Variants in GRIA3 observed in about 807,000 individuals in gnomAD.
GRIA3 encodes glutamate receptor 3.
A neutral mutation model predicts 63.0 loss-of-function variants in GRIA3; 3 were observed. The ratio of observed to expected loss-of-function variants is 0.05; its 90% confidence interval spans 0.02 to 0.12. The LOEUF is 0.12. Among genes scored for constraint, GRIA3 ranks in the 10% least tolerant of loss-of-function variants. The pLI is 1.00. For synonymous variants in GRIA3, 274 were observed against 257.9 expected, an observed-to-expected ratio of 1.06 and a Z score of -0.60; for missense variants, 347 against 700.9, an observed-to-expected ratio of 0.50 and a Z score of 5.70.
At chrX:123,363,983 T>A (rs2045194549) in intron 5 of GRIA3, among the ~76,000 whole-genome samples, 1 of 111,456 alleles carries the variant, frequency 9.0e-6, no homozygotes, top group South Asian at 3.8e-4. Context: ...TATCTTTTAA[T>A]CTCTTCCCAC....
chrX:123,407,214 G>T (rs184857988), intron 10 of GRIA3, among the ~76,000 whole-genome samples: 49 of 111,188 alleles, frequency 4.4e-4, no homozygotes, highest in African/African-American at 1.6e-3. Context: ...GCCAGATACT[G>T]TACTAAGTGC....
chrX:123,388,443 C>T (rs2045365742), intron 5 of GRIA3, among the ~76,000 whole-genome samples: 1 of 111,268 alleles, frequency 9.0e-6, no homozygotes, highest in Admixed American at 9.6e-5. Context: ...ACAAGAGTTT[C>T]ACCATGTTGC....
At chrX:123,338,356 T>A (rs1421973520) in intron 4 of GRIA3, among the ~76,000 whole-genome samples, 1 of 111,502 alleles carries the variant, frequency 9.0e-6, no homozygotes, top group Non-Finnish European at 1.9e-5. Context: ...AACGACTCTG[T>A]CAACTGCAGC....
chrX:123,273,571 C>T (rs1193183739), intron 3 of GRIA3, among the ~76,000 whole-genome samples: 2 of 112,101 alleles, frequency 1.8e-5, no homozygotes, highest in Non-Finnish European at 1.9e-5. Context: ...GGCTGCCTCT[C>T]ATCAGGAAGG....
chrX:123,322,109 A>G (rs780997415), intron 3 of GRIA3, among the ~76,000 whole-genome samples: 67 of 111,656 alleles, frequency 6.0e-4, no homozygotes, highest in Admixed American at 2.3e-3. Context: ...CATCCACCAC[A>G]CTACCCTTTG....
chrX:123,199,542 A>C (rs924323856), intron 2 of GRIA3, among the ~76,000 whole-genome samples: 1 of 111,236 alleles, frequency 9.0e-6, no homozygotes, highest in Non-Finnish European at 1.9e-5. Flanking sequence ...GACTAGCCCA[A>C]GGTCACACAG....
At chrX:123,468,321 TAGC>T (rs1029833482) in intron 13 of GRIA3, among the ~76,000 whole-genome samples, 5 of 110,590 alleles carry the variant, frequency 4.5e-5, no homozygotes, top group Non-Finnish European at 9.5e-5. Context: ...GAGGTAGAAA[TAGC>T]AGTAAAACCT....
intron 3 of GRIA3, among the ~76,000 whole-genome samples, chrX:123,258,006 C>G (rs1379715458): frequency 1.8e-5 from 2 of 112,397 alleles, no homozygotes; most frequent in Non-Finnish European, 3.8e-5. Flanking sequence ...AAATTACTTT[C>G]TTGGTGCTAT....
intron 12 of GRIA3, among the ~76,000 whole-genome samples, chrX:123,450,211 T>C (rs1399509151): frequency 1.8e-5 from 2 of 112,330 alleles, no homozygotes; most frequent in Admixed American, 9.4e-5. Flanking sequence ...TGGTAGCATT[T>C]AGGGCCTGTG....
chrX:123,430,841 A>C, intron 12 of GRIA3, among the ~76,000 whole-genome samples: 1 of 110,186 alleles, frequency 9.1e-6, no homozygotes, highest in Non-Finnish European at 1.9e-5. Context: ...AAATTAGCTG[A>C]GTGTGGTGGT....
intron 5 of GRIA3, among the ~76,000 whole-genome samples, chrX:123,375,543 A>G (rs2045279780): frequency 9.0e-6 from 1 of 111,619 alleles, no homozygotes; most frequent in African/African-American, 3.3e-5. Context: ...GAGGCAGCCA[A>G]CTTCACTTTG....
rs1005937099 is a variant in GRIA3 at position 123,387,087 on chromosome X, A to G, written c.751-7881A>G. Among the ~76,000 whole-genome samples the G allele has an allele frequency of 9.0e-5, 10 of 111,729 alleles. 1 individual carries two copies. The highest frequency in any genetic ancestry group is 3.3e-4 in the African/African-American group (10 of 30,706). Reference sequence around the variant, plus strand: ...TTAACAATATTAATTCTTTCAATCCATGAGCGTGGGGTGTCTTTCCATTTG... The same window carrying G: ...TTAACAATATTAATTCTTTCAATCCGTGAGCGTGGGGTGTCTTTCCATTTG... On this transcript the variant is annotated intron_variant, in intron 5 of 15. Transcript: ENST00000620443.
At position 123,316,363 on chromosome X, in the gene GRIA3, CA is replaced by C. The variant is rs1460150639; in HGVS notation, c.509-9660del. ...AAGAGAATCCTCTTTATTCACCTACCAAATGGGCAAATATATTGTTCAGTGC... is the reference window on the plus strand; with the variant it reads ...AAGAGAATCCTCTTTATTCACCTACCAATGGGCAAATATATTGTTCAGTGC... On this transcript the variant is annotated intron_variant, in intron 3 of 15. Transcript: ENST00000620443. Among the ~76,000 whole-genome samples, 4 of 111,802 alleles carry C rather than the reference CA, an allele frequency of 3.6e-5. No individual in the cohort carries two copies. In the South Asian group the frequency reaches 1.1e-3, roughly 31 times the overall value.
intron 12 of GRIA3, among the ~76,000 whole-genome samples, chrX:123,446,194 G>A (rs1038908822): frequency 8.9e-6 from 1 of 112,195 alleles, no homozygotes; most frequent in East Asian, 2.8e-4. Context: ...CAGAAACAAT[G>A]AGAAACCTAA....
chrX:123,360,016 T>G (rs1478057090), intron 5 of GRIA3, among the ~76,000 whole-genome samples: 2 of 112,380 alleles, frequency 1.8e-5, no homozygotes, highest in Non-Finnish European at 3.8e-5. Flanking sequence ...TATATTCCTC[T>G]CTGATGTGTT....
intron 12 of GRIA3, among the ~76,000 whole-genome samples, chrX:123,463,823 AAGAG>A (rs1164848421): frequency 9.1e-6 from 1 of 109,517 alleles, no homozygotes; most frequent in Non-Finnish European, 1.9e-5. Flanking sequence ...AAGAAAAAGA[AAGAG>A]AAAGAAAGAA....
At chrX:123,320,650 C>T (rs910018651) in intron 3 of GRIA3, among the ~76,000 whole-genome samples, 5 of 111,730 alleles carry the variant, frequency 4.5e-5, no homozygotes, top group African/African-American at 1.6e-4. Context: ...TGTTGCTAAG[C>T]GTCATCTTAA....
intron 8 of GRIA3, 102 bp downstream of exon 8, chrX:123,403,200 G>T (rs1266226309): frequency 1.2e-5 from 7 of 604,932 alleles, no homozygotes; most frequent in Non-Finnish European, 2.0e-5. Context: ...TATCAGTAAG[G>T]ATGAGTGGGA....
chrX:123,464,934 A>C lies in GRIA3; in HGVS notation c.2146A>C (p.Lys716Gln), dbSNP rs1338300709. 1 of 1,209,963 alleles carries C rather than the reference A, an allele frequency of 8.3e-7. No individual in the cohort carries two copies. The highest frequency in any genetic ancestry group is 1.8e-5 in the South Asian group (1 of 56,966). The change falls in exon 13 of 16, where the codon AAA becomes CAA. Residue 716 changes from lysine to glutamine, a missense_variant. Lys to Gln is a moderately conservative substitution (Grantham distance 53). Coordinates refer to ENST00000620443, the MANE Select transcript of GRIA3 (RefSeq NM_007325.5). ...ATCAGCGGAGCCATCTGTGTTTACC[A>C]AAACAACAGCAGACGGAGTGGCCCG... ...MKSAEPSVFT[K>Q]TTADGVARVR... is the part of the protein sequence containing the mutation.
Sources: allele counts gnomAD v4.1 joint callset (sites outside exome capture counted in the v4.1 genomes callset), GRCh38; gene constraint gnomAD v4.1.1; transcripts MANE v1.5; gene names NCBI Gene and HGNC (gene_info 2026-07-23, HGNC 2026-07-21).